PLPP1: variants seen among roughly 807,000 people sequenced by gnomAD.
The protein encoded by PLPP1 is lipid phosphate phosphohydrolase 1a.
Under a neutral mutation model 31.2 loss-of-function variants are expected in PLPP1, and 24 were observed. The ratio of observed to expected loss-of-function variants is 0.77; its 90% CI spans 0.56 to 1.08. The LOEUF is 1.08. Among genes scored for constraint, PLPP1 ranks in the 50% least tolerant of loss-of-function variants. The probability of loss-of-function intolerance (pLI) is 0.00; values close to 1 mark genes in which losing one functional copy is unlikely to be tolerated. For synonymous variants in PLPP1, 146 were observed against 126.3 expected (o/e 1.16, Z -1.05); for missense variants, 319 against 342.7 (o/e 0.93, Z 0.55).
intron 1 of PLPP1, among the ~76,000 whole-genome samples, chr5:55,494,442 T>A (rs1390612771): frequency 1.3e-5 from 2 of 152,068 alleles, no homozygotes; most frequent in African/African-American, 4.8e-5. Flanking sequence ...CAGGGGGAGC[T>A]CATTTATGGT....
intron 1 of PLPP1, among the ~76,000 whole-genome samples, chr5:55,534,348 G>C (rs1358419496): frequency 2.0e-5 from 3 of 152,176 alleles, no homozygotes; most frequent in African/African-American, 7.2e-5. Context: ...CGTCCAAGCA[G>C]GGCTGGGCTC....
At chr5:55,504,089 G>A (rs1325729492) in intron 1 of PLPP1, among the ~76,000 whole-genome samples, 2 of 151,904 alleles carry the variant, frequency 1.3e-5, no homozygotes, top group Admixed American at 6.6e-5. Context: ...ACAAAAATTA[G>A]GCCGGGTGTG....
intron 3 of PLPP1, among the ~76,000 whole-genome samples, chr5:55,442,544 C>A (rs946669132): frequency 1.3e-5 from 2 of 151,324 alleles, no homozygotes; most frequent in African/African-American, 4.9e-5. Flanking sequence ...CCCAGCTACT[C>A]GGGAGGCTGA....
chr5:55,439,345 T>G (rs943642987), intron 4 of PLPP1, among the ~76,000 whole-genome samples: 1 of 152,206 alleles, frequency 6.6e-6, no homozygotes, highest in Non-Finnish European at 1.5e-5. Context: ...AAGGCCGAGC[T>G]GTAACCAATC....
chr5:55,493,002 T>C (rs779132607), intron 1 of PLPP1, among the ~76,000 whole-genome samples: 3 of 152,112 alleles, frequency 2.0e-5, no homozygotes, highest in Non-Finnish European at 4.4e-5. Context: ...GTATAATACA[T>C]GTTGTGTTCA....
intron 3 of PLPP1, among the ~76,000 whole-genome samples, chr5:55,448,856 T>C (rs771517781): frequency 6.6e-6 from 1 of 152,202 alleles, no homozygotes; most frequent in Non-Finnish European, 1.5e-5. Flanking sequence ...GTCCCTGATA[T>C]AAAATGACAC....
At chr5:55,490,852 T>G (rs1752873354) in intron 1 of PLPP1, 4 of 1,210,508 alleles carry the variant, frequency 3.3e-6, no homozygotes, top group Non-Finnish European at 4.6e-6. Context: ...ATTCACCATA[T>G]CAACACTGGT....
Position 55,475,291 on chromosome 5 carries a change from T to G in PLPP1, c.210+8A>C. 6.3e-7 allele frequency: 1 copy of G among 1,597,794 alleles called. No individual in the cohort carries two copies. Among genetic ancestry groups the G allele is most frequent in the Non-Finnish European group, 8.5e-7 (1 of 1,174,304 alleles). On this transcript the variant is annotated splice_region_variant and intron_variant, in intron 2 of 5. Coordinates refer to ENST00000307259, the MANE Select transcript of PLPP1 (RefSeq NM_003711.4). ...AGTTATAAACTTGGAAAAGTGGATT[T>G]AACTTACAACGATAATACTGAATGG...
intron 1 of PLPP1, among the ~76,000 whole-genome samples, chr5:55,497,633 T>C (rs1753031239): frequency 6.6e-6 from 1 of 152,060 alleles, no homozygotes; most frequent in South Asian, 2.1e-4. Flanking sequence ...GACTGACATT[T>C]AGGTTTGGGC....
At chr5:55,450,133 A>C (rs1200104200) in intron 3 of PLPP1, among the ~76,000 whole-genome samples, 1 of 152,200 alleles carries the variant, frequency 6.6e-6, no homozygotes, top group Non-Finnish European at 1.5e-5. Flanking sequence ...GTCAATTTTA[A>C]CCAAGCCACA....
intron 1 of PLPP1, among the ~76,000 whole-genome samples, chr5:55,499,311 G>A (rs1300291422): frequency 2.0e-5 from 3 of 152,112 alleles, no homozygotes; most frequent in Admixed American, 6.6e-5. Flanking sequence ...GTTAGCAAAC[G>A]AGTTAGACAT....
chr5:55,466,853 T>C (rs1429878413), intron 3 of PLPP1, among the ~76,000 whole-genome samples: 1 of 152,136 alleles, frequency 6.6e-6, no homozygotes, highest in African/African-American at 2.4e-5. Flanking sequence ...AAGAAAGTAT[T>C]TGTACTTTGA....
chr5:55,452,435 T>C (rs1409724023), intron 3 of PLPP1, among the ~76,000 whole-genome samples: 3 of 152,186 alleles, frequency 2.0e-5, no homozygotes, highest in African/African-American at 7.2e-5. Context: ...CAAGCAGATG[T>C]TGGTGCCATG....
At chr5:55,493,996 G>A (rs761244533) in intron 1 of PLPP1, among the ~76,000 whole-genome samples, 1 of 152,102 alleles carries the variant, frequency 6.6e-6, no homozygotes, top group Non-Finnish European at 1.5e-5. Flanking sequence ...GGTGAGCCAT[G>A]ATTATGCCAC....
intron 4 of PLPP1, among the ~76,000 whole-genome samples, chr5:55,429,577 T>G (rs1050430359): frequency 6.6e-6 from 1 of 152,084 alleles, no homozygotes; most frequent in South Asian, 2.1e-4. Flanking sequence ...GACTGCATGA[T>G]GGCACTGCTC....
intron 3 of PLPP1, among the ~76,000 whole-genome samples, chr5:55,446,704 A>C (rs952226036): frequency 2.6e-5 from 4 of 152,320 alleles, no homozygotes; most frequent in Middle Eastern, 3.4e-3. Flanking sequence ...TTTAAACTTC[A>C]AGCTTTTTTT....
At chr5:55,490,925 C>G (rs747244923) in intron 1 of PLPP1, 3 of 1,583,156 alleles carry the variant, frequency 1.9e-6, no homozygotes, top group Non-Finnish European at 1.7e-6. Context: ...TCCAGCACAA[C>G]AAACCCATCA....
chr5:55,504,891 G>C (rs1330885888), intron 1 of PLPP1, among the ~76,000 whole-genome samples: 1 of 149,060 alleles, frequency 6.7e-6, no homozygotes, highest in African/African-American at 2.5e-5. Flanking sequence ...GCTCACCACA[G>C]CCTCAACCTC....
chr5:55,467,769 T>A, intron 3 of PLPP1, 100 bp downstream of exon 3: 1 of 1,297,622 alleles, frequency 7.7e-7, no homozygotes, highest in South Asian at 1.5e-5. Context: ...GTGATAACAC[T>A]AACTTCTCTT....
Sources: allele counts gnomAD v4.1 joint callset (sites outside exome capture counted in the v4.1 genomes callset), GRCh38; gene constraint gnomAD v4.1.1; transcripts MANE v1.5; gene names NCBI Gene and HGNC (gene_info 2026-07-23, HGNC 2026-07-21).